Variants in FAM135A observed in about 807,000 individuals in gnomAD.
FAM135A encodes the protein protein FAM135A.
In FAM135A, 79 loss-of-function variants were observed where a neutral mutation model predicts 146.8. The observed-to-expected ratio is 0.54, with a 90% CI of 0.45 to 0.65. The LOEUF (loss-of-function observed/expected upper bound fraction) is 0.65, where lower values mean the gene tolerates loss of function less well. Among genes scored for constraint, FAM135A ranks in the 30% least tolerant of loss-of-function variants. The pLI is 0.00. For missense variants in FAM135A, 1,623 were observed against 1,758.2 expected (o/e 0.92, Z 1.38); for synonymous variants, 562 against 603.6 (o/e 0.93, Z 1.01).
intron 5 of FAM135A, among the ~76,000 whole-genome samples, chr6:70,473,265 G>C (rs530892562): frequency 1.1e-4 from 16 of 152,228 alleles, no homozygotes; most frequent in African/African-American, 3.4e-4. Context: ...GCCAGCTTTG[G>C]AACCAACCAT....
chr6:70,434,400 A>G (rs1021075830), intron 4 of FAM135A, among the ~76,000 whole-genome samples: 22 of 152,330 alleles, frequency 1.4e-4, no homozygotes, highest in African/African-American at 3.6e-4. Flanking sequence ...GGTCAGTGCT[A>G]TTCTCAGTAG....
At chr6:70,444,733 G>A (rs1021555732) in intron 4 of FAM135A, among the ~76,000 whole-genome samples, 4 of 151,790 alleles carry the variant, frequency 2.6e-5, no homozygotes, top group Admixed American at 6.6e-5. Context: ...TGTTTCTTTC[G>A]CTGTATTTCT....
At chr6:70,446,961 G>T (rs1775889689) in intron 4 of FAM135A, among the ~76,000 whole-genome samples, 1 of 152,212 alleles carries the variant, frequency 6.6e-6, no homozygotes, top group Non-Finnish European at 1.5e-5. Flanking sequence ...TAAATTTATA[G>T]GTACAGAAGT....
At chr6:70,449,931 C>T (rs12526827) in intron 4 of FAM135A, among the ~76,000 whole-genome samples, 26,876 of 151,972 alleles carry the variant, frequency 0.18, 2,471 homozygotes, top group Middle Eastern at 0.22. Flanking sequence ...CTATCTTTTC[C>T]GTTTTCTTTT....
intron 11 of FAM135A, among the ~76,000 whole-genome samples, chr6:70,495,624 ATATAT>A (rs1342709616): frequency 5.3e-5 from 8 of 152,172 alleles, no homozygotes; most frequent in African/African-American, 1.9e-4. Flanking sequence ...ATACACAGAA[ATATAT>A]TTTATTTTAT....
rs557858517 is a variant in FAM135A, at chr6:70,524,198, T to C, written c.1258+77T>C. ...ATTCTTCCTAATATACATAAAACCATTCCCTAATGTGGAATAGTTTTTTTC... is the reference window on the plus strand; with the variant it reads ...ATTCTTCCTAATATACATAAAACCACTCCCTAATGTGGAATAGTTTTTTTC... On this transcript the variant is annotated intron_variant, in intron 14 of 21. Transcript: ENST00000418814. 1.6e-3 allele frequency: 2,239 copies of C among 1,427,884 alleles called. 8 individuals are homozygous for C. Among genetic ancestry groups the C allele is most frequent in the Middle Eastern group, 6.4e-3 (34 of 5,342 alleles). 88.5% of individuals were successfully genotyped at this position (1,427,884 alleles called of 1,614,324 possible). A position where few individuals can be genotyped will look rare whatever the true frequency, so the allele number is the denominator to read the frequency against.
intron 11 of FAM135A, among the ~76,000 whole-genome samples, chr6:70,501,520 G>C (rs1315199487): frequency 2.6e-5 from 4 of 152,110 alleles, no homozygotes. Flanking sequence ...TCTCGCTGGG[G>C]TTCCAGGCAC....
chr6:70,542,248 G>GCACACACACACA (rs112638092), intron 20 of FAM135A, among the ~76,000 whole-genome samples: 11,025 of 141,792 alleles, frequency 0.078, 545 homozygotes, highest in Middle Eastern at 0.11. Flanking sequence ...TTTTTATCCT[G>GCACACACACACA]CACACACACA....
At chr6:70,490,244 A>G (rs542718544) in intron 10 of FAM135A, among the ~76,000 whole-genome samples, 2 of 152,286 alleles carry the variant, frequency 1.3e-5, no homozygotes, top group East Asian at 1.9e-4. Flanking sequence ...GATTATAACT[A>G]TGCTGTTACA....
chr6:70,419,074 AC>A, intron 2 of FAM135A, among the ~76,000 whole-genome samples: 1 of 152,364 alleles, frequency 6.6e-6, no homozygotes, highest in East Asian at 1.9e-4. Flanking sequence ...CATGACTGTT[AC>A]AATAATACTT....
chr6:70,511,124 G>A (rs938773595), intron 12 of FAM135A, among the ~76,000 whole-genome samples: 2 of 151,764 alleles, frequency 1.3e-5, no homozygotes, highest in African/African-American at 4.8e-5. Context: ...TATTTTAATT[G>A]GGTTGTTTGT....
chr6:70,536,721 T>A (rs1353061624), intron 19 of FAM135A, among the ~76,000 whole-genome samples: 1 of 152,092 alleles, frequency 6.6e-6, no homozygotes, highest in East Asian at 1.9e-4. Flanking sequence ...ATCCCATTAC[T>A]TGAACAGATA....
intron 4 of FAM135A, among the ~76,000 whole-genome samples, chr6:70,431,315 C>T (rs757879854): frequency 2.3e-4 from 35 of 152,296 alleles, no homozygotes; most frequent in African/African-American, 5.5e-4. Context: ...TGGCTTGGCT[C>T]ATCTTTGCTG....
At chr6:70,421,436 A>G (rs1484938238) in intron 2 of FAM135A, among the ~76,000 whole-genome samples, 2 of 152,232 alleles carry the variant, frequency 1.3e-5, no homozygotes. Flanking sequence ...GAGGACCAAG[A>G]ATGTCTTTCA....
chr6:70,423,450 A>G (rs1173773080), intron 2 of FAM135A, among the ~76,000 whole-genome samples: 2 of 152,184 alleles, frequency 1.3e-5, no homozygotes, highest in Non-Finnish European at 1.5e-5. Flanking sequence ...ACATTCGGTA[A>G]TCCAGAATTT....
At chr6:70,421,285 G>A (rs995534286) in intron 2 of FAM135A, among the ~76,000 whole-genome samples, 1 of 151,890 alleles carries the variant, frequency 6.6e-6, no homozygotes, top group African/African-American at 2.4e-5. Context: ...ATTTTACACT[G>A]CTTCTGTGTT....
rs1220350131 is a variant in FAM135A at position 70,488,868 on chromosome 6, AT to A, written c.824-2165del. Among the ~76,000 whole-genome samples the A allele has an allele frequency of 6.6e-5, 10 of 152,272 alleles. No individual in the cohort carries two copies. In the East Asian group the frequency reaches 1.9e-3, roughly 29 times the overall value. ...AACCTATGTTGCTCAAGGGTCTGTT[AT>A]ATATGTCACTTTAAAAAGAAAAAAT... On this transcript the variant is annotated intron_variant, in intron 10 of 21. Transcript: ENST00000418814.
At chr6:70,491,968 C>A (rs1010295479) in intron 11 of FAM135A, among the ~76,000 whole-genome samples, 3 of 151,714 alleles carry the variant, frequency 2.0e-5, no homozygotes, top group African/African-American at 7.2e-5. Flanking sequence ...AAATTTTACT[C>A]CAGTCAATCA....
intron 10 of FAM135A, among the ~76,000 whole-genome samples, chr6:70,485,984 T>C (rs1784547730): frequency 6.6e-6 from 1 of 152,238 alleles, no homozygotes; most frequent in African/African-American, 2.4e-5. Flanking sequence ...GCACATACAT[T>C]TAAATTAAAA....
Sources: allele counts gnomAD v4.1 joint callset (sites outside exome capture counted in the v4.1 genomes callset), GRCh38; gene constraint gnomAD v4.1.1; transcripts MANE v1.5; gene names NCBI Gene and HGNC (gene_info 2026-07-23, HGNC 2026-07-21).